KLHL3: variants seen among roughly 807,000 people sequenced by gnomAD.
The protein encoded by KLHL3 is kelch-like protein 3.
A neutral mutation model predicts 70.5 loss-of-function variants in KLHL3; 19 were observed. The observed-to-expected ratio is 0.27, with a 90% CI of 0.19 to 0.40. The LOEUF (loss-of-function observed/expected upper bound fraction) is 0.40. KLHL3 is among the 10% of genes least tolerant of loss of function. The pLI, the probability that KLHL3 is intolerant of heterozygous loss-of-function variation, is 1.00. For synonymous variants in KLHL3, 258 were observed against 290.3 expected (o/e 0.89, Z 1.13); for missense variants, 512 against 771.1 (o/e 0.66, Z 3.98).
chr5:137,639,204 T>C lies in KLHL3; in HGVS notation c.1022-54A>G. The C allele has an allele frequency of 6.5e-7, 1 of 1,542,876 alleles. No homozygotes were observed. The highest frequency in any genetic ancestry group is 8.9e-7 in the Non-Finnish European group (1 of 1,124,200). Reference sequence around the variant, plus strand: ...GTCAGGTCAGGCGCATGACTGCTCATGTTGATGGATGGCAATGGAGGAGCA... The same window carrying C: ...GTCAGGTCAGGCGCATGACTGCTCACGTTGATGGATGGCAATGGAGGAGCA... On this transcript the variant is annotated intron_variant, in intron 9 of 14. Transcript: ENST00000309755. The surrounding 1 kb of genome is among the most constrained non-coding windows in gnomAD (Gnocchi z 5.0).
intron 7 of KLHL3, among the ~76,000 whole-genome samples, chr5:137,660,343 C>T (rs1751442021): frequency 6.6e-6 from 1 of 152,108 alleles, no homozygotes; most frequent in Admixed American, 6.5e-5. Context: ...AACCCAGGTC[C>T]CCAGGTTGCC....
Position 137,647,476 on chromosome 5 carries a change from A to G in KLHL3, c.904-7499T>C, listed in dbSNP as rs890142865. 1.1e-4 allele frequency: 50 copies of G among 466,720 alleles called. 1 individual carries two copies. The highest frequency in any genetic ancestry group is 7.8e-4 in the South Asian group (50 of 64,512). 28.9% of individuals were successfully genotyped at this position (466,720 alleles called of 1,614,324 possible). A position where few individuals can be genotyped will look rare whatever the true frequency, so the allele number is the denominator to read the frequency against. On this transcript the variant is annotated intron_variant, in intron 8 of 14. Transcript: ENST00000309755. Reference sequence around the variant, plus strand: ...TCATTCAAATTTCTACTCAGGTGAGAGGAACAATCTGGGCTCTACACACTT... The same window carrying G: ...TCATTCAAATTTCTACTCAGGTGAGGGGAACAATCTGGGCTCTACACACTT...
chr5:137,664,599 G>A (rs1751567322), intron 6 of KLHL3, among the ~76,000 whole-genome samples: 2 of 151,484 alleles, frequency 1.3e-5, no homozygotes, highest in South Asian at 4.2e-4. Context: ...AGGCCAAGGT[G>A]GGAGCCCAGG....
chr5:137,636,510 C>G (rs776260002), intron 11 of KLHL3, among the ~76,000 whole-genome samples: 1 of 152,200 alleles, frequency 6.6e-6, no homozygotes, highest in African/African-American at 2.4e-5. Context: ...GAACTCCTAC[C>G]TACTGGCATT....
At position 137,725,002 on chromosome 5, in the gene KLHL3, C is replaced by T. The variant is rs994514623; in HGVS notation, c.15-4418G>A. The T allele has an allele frequency of 3.1e-6, 3 of 979,846 alleles. No individual in the cohort carries two copies. In the African/African-American group the frequency reaches 5.3e-5, roughly 17 times the overall value. 60.7% of individuals were successfully genotyped at this position (979,846 alleles called of 1,614,324 possible). On this transcript the variant is annotated intron_variant, in intron 1 of 14. Transcript: ENST00000309755. ...TATGTCTCAACCTAAGGTCACATGCCCAGGCACAGAGTTGCTAGATCTTAC... is the reference window on the plus strand; with the variant it reads ...TATGTCTCAACCTAAGGTCACATGCTCAGGCACAGAGTTGCTAGATCTTAC...
At chr5:137,682,698 A>G (rs2905589) in intron 5 of KLHL3, among the ~76,000 whole-genome samples, 86,029 of 151,908 alleles carry the variant, frequency 0.57, 24,938 homozygotes, top group East Asian at 0.93. Flanking sequence ...GAATCTTTCT[A>G]TTCTATTCGG....
rs190864179 is a variant in KLHL3 at position 137,639,129 on chromosome 5, T to C, written c.1043A>G (p.His348Arg). 92 of 1,613,418 alleles carry C rather than the reference T, an allele frequency of 5.7e-5. No homozygotes were observed. In the African/African-American group the frequency reaches 9.9e-4, roughly 17 times the overall value. ...ATTAAACCCTCCCACGGCATACACG[T>C]GGCCAGCCATGAACACCACACCTGA... The part of the protein sequence containing the change: ...CRAGVVFMAG[H>R]VYAVGGFNGS... The change falls in exon 10 of 15, where the codon CAC (histidine) becomes CGC (arginine). Residue 348 changes from histidine (H) to arginine (R), a missense_variant. His to Arg is a conservative substitution (Grantham distance 29). Coordinates refer to ENST00000309755, the MANE Select transcript of KLHL3 (RefSeq NM_017415.3). The surrounding 1 kb of genome is among the most constrained non-coding windows in gnomAD (Gnocchi z 5.0).
chr5:137,664,584 T>C (rs923816751), intron 6 of KLHL3, among the ~76,000 whole-genome samples: 1 of 151,702 alleles, frequency 6.6e-6, no homozygotes, highest in Non-Finnish European at 1.5e-5. Context: ...TCCCAGCCCT[T>C]TGGGAGGCCA....
intron 6 of KLHL3, 68 bp from the exon 7 acceptor site, chr5:137,662,099 T>TTA: frequency 2.4e-6 from 1 of 424,910 alleles, no homozygotes; most frequent in Non-Finnish European, 4.1e-6. Flanking sequence ...CCTCAATCTG[T>TTA]AAAAAAAAAA....
chr5:137,694,443 C>G (rs1262203484), intron 4 of KLHL3, among the ~76,000 whole-genome samples: 1 of 152,206 alleles, frequency 6.6e-6, no homozygotes, highest in East Asian at 1.9e-4. Context: ...TCTCTCCCCA[C>G]TAAGCAGCCA....
In KLHL3 at chr5:137,674,136, A is replaced by C. The variant is rs541112886; in HGVS notation, c.636+3409T>G. 2.0e-5 allele frequency among the ~76,000 whole-genome samples: 3 copies of C among 152,308 alleles called. No homozygotes were observed. In the South Asian group the frequency reaches 6.2e-4, roughly 32 times the overall value. On this transcript the variant is annotated intron_variant, in intron 6 of 14. Coordinates refer to ENST00000309755, the MANE Select transcript of KLHL3 (RefSeq NM_017415.3). ...GCTTTTTTCATATATCATCCCATTT[A>C]ATCCTCATAGCAACCTTACAAGGTA...
At chr5:137,734,446 G>A (rs1753229068) in intron 1 of KLHL3, among the ~76,000 whole-genome samples, 1 of 152,192 alleles carries the variant, frequency 6.6e-6, no homozygotes. Context: ...ACAGTTCCCA[G>A]GGCCTCTACA....
Position 137,698,281 on chromosome 5 carries a change from G to A in KLHL3, c.363+6C>T. On this transcript the variant is annotated splice_donor_region_variant and intron_variant, in intron 4 of 14. Transcript: ENST00000309755. Reference sequence around the variant, plus strand: ...TACACTGAGCTATTAGTGAGCCTGAGTTTACCTGGACATTCTCTTCAGTCA... The same window carrying A: ...TACACTGAGCTATTAGTGAGCCTGAATTTACCTGGACATTCTCTTCAGTCA... 6.2e-7 allele frequency: 1 copy of A among 1,614,176 alleles called. No homozygotes were observed. Among genetic ancestry groups the A allele is most frequent in the Middle Eastern group, 1.6e-4 (1 of 6,062 alleles).
Position 137,628,453 on chromosome 5 carries a change from C to CA in KLHL3, c.1451-17dup. On this transcript the variant is annotated splice_polypyrimidine_tract_variant and intron_variant, in intron 12 of 14. Transcript: ENST00000309755. ...ACTCCAACCCCTGAAAGGCAGAGCA[C>CA]AGCATCCCAGCCTCATGCTGACTAC... 6.2e-7 allele frequency: 1 copy of CA among 1,613,904 alleles called. No individual in the cohort carries two copies. Among genetic ancestry groups the CA allele is most frequent in the Non-Finnish European group, 8.5e-7 (1 of 1,179,900 alleles).
At chr5:137,685,255 A>T (rs541898203) in intron 5 of KLHL3, among the ~76,000 whole-genome samples, 1 of 152,362 alleles carries the variant, frequency 6.6e-6, no homozygotes, top group African/African-American at 2.4e-5. Flanking sequence ...AAGAATTCTC[A>T]TGGAAGCATT....
At chr5:137,669,107 AGAGACGAAGTCATTTGCCT>A (rs1401639484) in intron 6 of KLHL3, among the ~76,000 whole-genome samples, 1 of 152,146 alleles carries the variant, frequency 6.6e-6, no homozygotes, top group Non-Finnish European at 1.5e-5. Context: ...TAAGGCAGAG[AGAGACGAAGTCATTTGCCT>A]GACATTACCC....
intron 14 of KLHL3, among the ~76,000 whole-genome samples, chr5:137,624,695 T>C (rs1750412272): frequency 6.6e-6 from 1 of 152,164 alleles, no homozygotes. Flanking sequence ...ATAATGACTA[T>C]AAAATACTTT....
chr5:137,624,457 T>C (rs1163706038), intron 14 of KLHL3, among the ~76,000 whole-genome samples: 4 of 152,190 alleles, frequency 2.6e-5, no homozygotes, highest in African/African-American at 9.7e-5. Flanking sequence ...TAAAATGTTT[T>C]ATACTTAGCC....
intron 3 of KLHL3, among the ~76,000 whole-genome samples, chr5:137,703,792 G>C (rs1752619246): frequency 6.6e-6 from 1 of 151,458 alleles, no homozygotes; most frequent in South Asian, 2.1e-4. Context: ...TCCTCCACCT[G>C]GAAATATCTT....
Sources: gnomAD v4.1 joint callset for allele counts (sites outside exome capture counted in the v4.1 genomes callset) on GRCh38, gnomAD v4.1.1 for gene constraint, Gnocchi (gnomAD v3.1) non-coding constraint, MANE v1.5 for transcripts, NCBI Gene and HGNC (gene_info 2026-07-23, HGNC 2026-07-21) for gene names.